SASH1: variants seen among roughly 807,000 people sequenced by gnomAD.
SASH1 encodes the protein SAM and SH3 domain containing 1, also known as SAM and SH3 domain-containing protein 1.
In SASH1, 44 loss-of-function variants were observed where a neutral mutation model predicts 125.2. The observed-to-expected ratio is 0.35, with a 90% CI of 0.28 to 0.45. The LOEUF (loss-of-function observed/expected upper bound fraction) is 0.45, where lower values mean the gene tolerates loss of function less well. Among genes scored for constraint, SASH1 ranks in the 20% least tolerant of loss-of-function variants. The pLI is 1.00. For synonymous variants in SASH1, 639 were observed against 649.1 expected, an observed-to-expected ratio of 0.98 and a Z score of 0.24; for missense variants, 1,426 against 1,614.5, an observed-to-expected ratio of 0.88 and a Z score of 2.00.
chr6:148,511,215 G>A (rs1780105856), intron 8 of SASH1, among the ~76,000 whole-genome samples: 1 of 152,058 alleles, frequency 6.6e-6, no homozygotes, highest in African/African-American at 2.4e-5. Context: ...TCAGTAGGAA[G>A]TGAGAAGTCA....
At chr6:148,514,944 T>C (rs2115331701) in intron 9 of SASH1, among the ~76,000 whole-genome samples, 1 of 152,308 alleles carries the variant, frequency 6.6e-6, no homozygotes, top group South Asian at 2.1e-4. Context: ...GAGTCTCAAG[T>C]CTCAATTCAA....
intron 2 of SASH1, among the ~76,000 whole-genome samples, chr6:148,432,432 A>G (rs999573003): frequency 6.6e-5 from 10 of 152,226 alleles, no homozygotes; most frequent in Non-Finnish European, 1.3e-4. Context: ...TGATAAAAAA[A>G]ACGTAAATCT....
chr6:148,268,560 A>G (rs539213470), upstream of SASH1, among the ~76,000 whole-genome samples: 2 of 152,252 alleles, frequency 1.3e-5, no homozygotes, highest in Non-Finnish European at 2.9e-5. Flanking sequence ...TCAAACTGAC[A>G]GAATGGTTGG....
chr6:148,506,268 GT>G (rs1475890742), intron 8 of SASH1, among the ~76,000 whole-genome samples: 4 of 151,768 alleles, frequency 2.6e-5, no homozygotes, highest in Non-Finnish European at 5.9e-5. Flanking sequence ...GAGGTTAGGA[GT>G]TTTGAGACTA....
chr6:148,441,098 A>G (rs1331864151), intron 4 of SASH1, among the ~76,000 whole-genome samples: 5 of 152,206 alleles, frequency 3.3e-5, no homozygotes, highest in Non-Finnish European at 5.9e-5. Context: ...AGAATGTTCT[A>G]TTTGTGATCT....
At chr6:148,268,341 T>C (rs1778989152), upstream of SASH1, among the ~76,000 whole-genome samples, 1 of 152,226 alleles carries the variant, frequency 6.6e-6, no homozygotes, top group Non-Finnish European at 1.5e-5. Context: ...AAAGGAAATA[T>C]TGCACAGTTC....
intron 8 of SASH1, among the ~76,000 whole-genome samples, chr6:148,498,241 A>C (rs1322302513): frequency 6.6e-6 from 1 of 151,454 alleles, no homozygotes. Flanking sequence ...AAACAAAAAA[A>C]AAAAAACAAA....
At chr6:148,279,951 C>T (rs1199796174) in intron 1 of SASH1, among the ~76,000 whole-genome samples, 1 of 150,100 alleles carries the variant, frequency 6.7e-6, no homozygotes, top group Non-Finnish European at 1.5e-5. Flanking sequence ...GATGCCACTG[C>T]ACTCCAGCCT....
chr6:148,202,196 GCTTGTAGGTAGTAAAC>G, the SASH1 span, among the ~76,000 whole-genome samples: 847 of 152,168 alleles, frequency 5.6e-3, 31 homozygotes, highest in Admixed American at 0.052. Flanking sequence ...TGAATTGTTC[GCTTGTAGGTAGTAAAC>G]CTGCAATTGT....
chr6:148,230,164 T>G, the SASH1 span, among the ~76,000 whole-genome samples: 1 of 152,192 alleles, frequency 6.6e-6, no homozygotes, highest in Non-Finnish European at 1.5e-5. Flanking sequence ...TTACACGATA[T>G]GTGGTCTTTT....
Position 148,512,897 on chromosome 6 carries a change from G to A in SASH1, c.730-1427G>A, listed in dbSNP as rs926162085. On this transcript the variant is annotated intron_variant, in intron 8 of 19. Transcript: ENST00000367467. ...ATAGTTAACCATAAGTGGGTAAACG[G>A]TTTGCTGATAGTCATACAGGGAGAA... The A allele has an allele frequency of 1.2e-5, 12 of 985,188 alleles. No individual in the cohort carries two copies. In the African/African-American group the frequency reaches 1.9e-4, roughly 16 times the overall value. The allele number at this position is 985,188 out of a possible 1,614,324, so 61.0% of individuals were successfully genotyped here.
chr6:148,251,291 T>TTTGG, the SASH1 span, among the ~76,000 whole-genome samples: 3 of 152,224 alleles, frequency 2.0e-5, no homozygotes, highest in Non-Finnish European at 4.4e-5. Flanking sequence ...AGTGATTCTG[T>TTTGG]ATTTGGAATT....
intron 4 of SASH1, among the ~76,000 whole-genome samples, chr6:148,445,626 T>G (rs1166974113): frequency 6.6e-6 from 1 of 152,210 alleles, no homozygotes; most frequent in Non-Finnish European, 1.5e-5. Context: ...TGGACTGCTT[T>G]CTTTTTTCTT....
chr6:148,401,521 A>C (rs1192963908), intron 2 of SASH1, among the ~76,000 whole-genome samples: 1 of 152,178 alleles, frequency 6.6e-6, no homozygotes, highest in African/African-American at 2.4e-5. Context: ...TGGTATTAAG[A>C]ATCTAAGTTC....
At chr6:148,369,966 C>CAAAAAAAAAAAAAAAAAAAAAAAAAAA (rs562924566) in intron 1 of SASH1, among the ~76,000 whole-genome samples, 8 of 93,552 alleles carry the variant, frequency 8.6e-5, no homozygotes, top group East Asian at 3.5e-4. Flanking sequence ...AAAAGAAAAA[C>CAAAAAAAAAAAAAAAAAAAAAAAAAAA]AAAAAAAAAA....
chr6:148,369,982 A>AAAAAAAAAAAAAAAAAAC (rs1782647714), intron 1 of SASH1, among the ~76,000 whole-genome samples: 1 of 150,808 alleles, frequency 6.6e-6, no homozygotes, highest in Non-Finnish European at 1.5e-5. Flanking sequence ...AAAAAAAAAA[A>AAAAAAAAAAAAAAAAAAC]AAAAGGAAAG....
At chr6:148,318,806 C>T (rs1052949201) in intron 1 of SASH1, among the ~76,000 whole-genome samples, 1 of 152,052 alleles carries the variant, frequency 6.6e-6, no homozygotes, top group Non-Finnish European at 1.5e-5. Context: ...CCGCCTCAGC[C>T]TCCCAAAGTG....
intron 4 of SASH1, among the ~76,000 whole-genome samples, chr6:148,457,489 AT>A (rs1196932679): frequency 6.6e-6 from 1 of 152,112 alleles, no homozygotes; most frequent in Non-Finnish European, 1.5e-5. Context: ...ACAGTGACTA[AT>A]TGCGTGACCT....
chr6:148,519,273 T>G lies in SASH1; in HGVS notation c.863-274T>G, dbSNP rs949111447. 6.6e-6 allele frequency among the ~76,000 whole-genome samples: 1 copy of G among 152,200 alleles called. No individual in the cohort carries two copies. The highest frequency in any genetic ancestry group is 1.5e-5 in the Non-Finnish European group (1 of 68,044). On this transcript the variant is annotated intron_variant, in intron 9 of 19. Coordinates refer to ENST00000367467, the MANE Select transcript of SASH1 (RefSeq NM_015278.5). The surrounding 1 kb of genome is among the most constrained non-coding windows in gnomAD (Gnocchi z 4.8). The stretch of plus-strand genomic sequence containing the variant: ...AGGCATATTGTGATTATGGCTAGCT[T>G]AGATTTTGCAAACGGCATTTTAAAT...
Sources: allele counts gnomAD v4.1 joint callset (sites outside exome capture counted in the v4.1 genomes callset), GRCh38; gene constraint gnomAD v4.1.1; non-coding constraint Gnocchi (gnomAD v3.1); transcripts MANE v1.5; gene names NCBI Gene and HGNC (gene_info 2026-07-23, HGNC 2026-07-21).